The following MALT1 variants were observed in gnomAD, a reference collection of about 807,000 sequenced individuals.
MALT1 encodes the protein MALT1 paracaspase.
A neutral mutation model predicts 85.5 loss-of-function variants in MALT1; 36 were observed. The observed-to-expected ratio is 0.42, with a 90% CI of 0.32 to 0.56. The LOEUF is 0.56. Among genes scored for constraint, MALT1 ranks in the 20% least tolerant of loss-of-function variants. MALT1 has a pLI of 0.10. For missense variants in MALT1, 716 were observed against 981.6 expected (o/e 0.73, Z 3.62); for synonymous variants, 359 against 361.3 (o/e 0.99, Z 0.07).
chr18:58,713,303 T>G (rs1361486172), intron 7 of MALT1, among the ~76,000 whole-genome samples: 1 of 152,182 alleles, frequency 6.6e-6, no homozygotes, highest in East Asian at 1.9e-4. Flanking sequence ...ACCTATCCAT[T>G]GGCCATGATA....
At chr18:58,708,040 A>G (rs892197766) in intron 4 of MALT1, among the ~76,000 whole-genome samples, 4 of 152,114 alleles carry the variant, frequency 2.6e-5, no homozygotes, top group Non-Finnish European at 5.9e-5. Flanking sequence ...TCTATGTCTC[A>G]GGGGGTCTGA....
chr18:58,739,928 A>G (rs1261995724), intron 13 of MALT1, among the ~76,000 whole-genome samples: 1 of 152,260 alleles, frequency 6.6e-6, no homozygotes, highest in Non-Finnish European at 1.5e-5. Context: ...GAACTTTTGT[A>G]TAAATTATGA....
chr18:58,741,711 T>C (rs1602342151), intron 13 of MALT1, 154 bp from the exon 14 acceptor site: 2 of 444,288 alleles, frequency 4.5e-6, no homozygotes, highest in East Asian at 6.4e-5. Flanking sequence ...ATGCCTGATA[T>C]GTCTGGCACA....
At chr18:58,698,221 C>A (rs1000432487) in intron 3 of MALT1, among the ~76,000 whole-genome samples, 1 of 151,940 alleles carries the variant, frequency 6.6e-6, no homozygotes, top group Non-Finnish European at 1.5e-5. Context: ...CGCGCATCAC[C>A]ACGCCCAGCT....
At chr18:58,711,397 A>G (rs182080950) in intron 7 of MALT1, among the ~76,000 whole-genome samples, 14 of 152,286 alleles carry the variant, frequency 9.2e-5, no homozygotes, top group Admixed American at 8.5e-4. Context: ...TCAGGAGAGG[A>G]GATTTATTGT....
chr18:58,747,313 TTGGGGG>T, intron 16 of MALT1, 86 bp from the exon 17 acceptor site: 1 of 787,948 alleles, frequency 1.3e-6, no homozygotes, highest in Non-Finnish European at 2.1e-6. Context: ...GAGTGGATTT[TTGGGGG>T]TGGGGGTGTG....
chr18:58,687,660 A>G (rs904989932), intron 2 of MALT1, among the ~76,000 whole-genome samples: 1 of 152,234 alleles, frequency 6.6e-6, no homozygotes, highest in African/African-American at 2.4e-5. Context: ...ACTTCAGTGT[A>G]TGGAATAGAT....
intron 1 of MALT1, among the ~76,000 whole-genome samples, chr18:58,679,258 T>C (rs2054285255): frequency 6.6e-6 from 1 of 152,252 alleles, no homozygotes; most frequent in Non-Finnish European, 1.5e-5. Flanking sequence ...TAAATACTGG[T>C]ATTTTTAAAA....
At chr18:58,700,746 T>C (rs980854629) in intron 4 of MALT1, among the ~76,000 whole-genome samples, 155 bp downstream of exon 4, 1 of 152,180 alleles carries the variant, frequency 6.6e-6, no homozygotes, top group African/African-American at 2.4e-5. Flanking sequence ...TTGTTAAGAT[T>C]TGATCCATGT....
chr18:58,696,690 T>C (rs2054595484), intron 3 of MALT1, among the ~76,000 whole-genome samples: 1 of 152,198 alleles, frequency 6.6e-6, no homozygotes, highest in Admixed American at 6.5e-5. Flanking sequence ...TAAACAATAA[T>C]GAAATTAGTT....
intron 1 of MALT1, among the ~76,000 whole-genome samples, chr18:58,674,930 A>G (rs899483815): frequency 1.3e-5 from 2 of 152,250 alleles, no homozygotes; most frequent in African/African-American, 2.4e-5. Flanking sequence ...AATACAAATA[A>G]GTAAACCACA....
chr18:58,681,657 G>A (rs925482185), intron 2 of MALT1, among the ~76,000 whole-genome samples: 4 of 152,154 alleles, frequency 2.6e-5, no homozygotes, highest in Non-Finnish European at 5.9e-5. Flanking sequence ...GCATTTTAAA[G>A]TATTTAGGGA....
intron 10 of MALT1, among the ~76,000 whole-genome samples, chr18:58,726,587 AACAG>A (rs2055058070): frequency 2.0e-5 from 3 of 152,232 alleles, no homozygotes; most frequent in Admixed American, 6.5e-5. Context: ...GTTGCAACAG[AACAG>A]ACAATAATTC....
rs185629516 is a variant in MALT1, at chr18:58,734,258, C to T, written c.1401-49C>T. 3.7e-5 allele frequency: 49 copies of T among 1,338,916 alleles called. No individual in the cohort carries two copies. The African/African-American group carries it at 6.8e-4, about 18-fold the overall frequency. The allele number at this position is 1,338,916 out of a possible 1,614,324, so 82.9% of individuals were successfully genotyped here. A position where few individuals can be genotyped will look rare whatever the true frequency, so the allele number is the denominator to read the frequency against. On this transcript the variant is annotated intron_variant, in intron 11 of 16. Coordinates refer to ENST00000649217, the MANE Select transcript of MALT1 (RefSeq NM_006785.4). ...TTATTTATACCCTTTTAAGAATGCT[C>T]TTTAACTTTTCATATTTCTATCTGC...
intron 11 of MALT1, chr18:58,733,828 A>G: frequency 8.9e-7 from 1 of 1,123,344 alleles, no homozygotes; most frequent in South Asian, 2.4e-5. Flanking sequence ...AGGGGATTCA[A>G]CTCTCCAGAA....
At chr18:58,741,775 A>G in intron 13 of MALT1, 90 bp from the exon 14 acceptor site, 1 of 717,210 alleles carries the variant, frequency 1.4e-6, no homozygotes, top group Non-Finnish European at 2.1e-6. Context: ...TGAGAATATA[A>G]CCTGATAATG....
intron 8 of MALT1, among the ~76,000 whole-genome samples, chr18:58,715,360 G>A (rs2054884378): frequency 6.6e-6 from 1 of 152,130 alleles, no homozygotes; most frequent in African/African-American, 2.4e-5. Context: ...GAAGAATGTT[G>A]TATAGGGAAA....
chr18:58,753,045 G>C lies in MALT1; in HGVS notation c.*5203G>C, dbSNP rs1474885928. 1 of 152,188 alleles carries C rather than the reference G, an allele frequency of 6.6e-6. No individual in the cohort carries two copies. Among genetic ancestry groups the C allele is most frequent in the African/African-American group, 2.4e-5 (1 of 41,430 alleles). 9.4% of individuals were successfully genotyped at this position (152,188 alleles called of 1,614,324 possible). On this transcript the variant is annotated 3_prime_UTR_variant, in exon 17 of 17. Transcript: ENST00000649217. ...GGGGATGATGCTGTAACATCAAAGA[G>C]CTTATAATACTTTCCAGAGCTGGCA...
rs1455115285 is a variant in MALT1 at position 58,700,762 on chromosome 18, GTCTT to G, written c.649+177_649+180del. Among the ~76,000 whole-genome samples the G allele has an allele frequency of 4.0e-5, 6 of 151,468 alleles. No homozygotes were observed. In the East Asian group the frequency reaches 7.7e-4, roughly 19 times the overall value. ...TGTTAAGATTTGATCCATGTGTTTT[GTCTT>G]TCTTTTTTTTTTAATTTAGTTTTTG... On this transcript the variant is annotated intron_variant, in intron 4 of 16. Transcript: ENST00000649217.
Sources: gnomAD v4.1 joint callset for allele counts (sites outside exome capture counted in the v4.1 genomes callset) on GRCh38, gnomAD v4.1.1 for gene constraint, MANE v1.5 for transcripts, NCBI Gene and HGNC (gene_info 2026-07-23, HGNC 2026-07-21) for gene names.